The following CEP112 variants were observed in gnomAD, a reference collection of about 807,000 sequenced individuals.
CEP112 encodes the protein centrosomal protein 112, also known as centrosomal protein of 112 kDa.
Under a neutral mutation model 153.0 loss-of-function variants are expected in CEP112, and 127 were observed. The observed-to-expected ratio is 0.83, with a 90% CI of 0.72 to 0.96. The LOEUF is 0.96. Among genes scored for constraint, CEP112 ranks in the 40% least tolerant of loss-of-function variants. The probability of loss-of-function intolerance (pLI) is 0.00; values close to 1 mark genes in which losing one functional copy is unlikely to be tolerated. For missense variants in CEP112, 1,089 were observed against 1,101.2 expected (o/e 0.99, Z 0.16); for synonymous variants, 358 against 374.4 (o/e 0.96, Z 0.51).
At chr17:66,073,459 T>C (rs530673308) in intron 8 of CEP112, among the ~76,000 whole-genome samples, 1 of 152,330 alleles carries the variant, frequency 6.6e-6, no homozygotes, top group South Asian at 2.1e-4. Context: ...CACAGGCTGA[T>C]GGCTGGGATG....
At chr17:65,725,367 G>C (rs1472652473) in intron 23 of CEP112, among the ~76,000 whole-genome samples, 1 of 152,162 alleles carries the variant, frequency 6.6e-6, no homozygotes, top group East Asian at 1.9e-4. Flanking sequence ...ACCCAGGCTG[G>C]AGTGCAGTGG....
At chr17:66,046,065 G>C (rs9896795) in intron 12 of CEP112, among the ~76,000 whole-genome samples, 148,859 of 151,746 alleles carry the variant, frequency 0.98, 73,075 homozygotes, top group East Asian at 1. Context: ...TTTTTTGAGA[G>C]AGAGTCTCGC....
intron 14 of CEP112, 80 bp from the exon 15 acceptor site, chr17:66,028,485 C>T: frequency 1.5e-6 from 1 of 669,940 alleles, no homozygotes; most frequent in Non-Finnish European, 2.4e-6. Context: ...AAAAATATGC[C>T]TTTTGTACCC....
At chr17:65,716,381 G>C (rs117585841) in intron 23 of CEP112, among the ~76,000 whole-genome samples, 1,839 of 152,100 alleles carry the variant, frequency 0.012, 24 homozygotes, top group East Asian at 0.041. Flanking sequence ...GTCTGGTCTC[G>C]AACGGCTGAC....
At chr17:65,676,710 T>A (rs1300699802) in intron 24 of CEP112, among the ~76,000 whole-genome samples, 1 of 152,234 alleles carries the variant, frequency 6.6e-6, no homozygotes, top group African/African-American at 2.4e-5. Context: ...GAGTTCACGC[T>A]GAGCTTCATT....
At chr17:66,000,690 G>A (rs556839227) in intron 17 of CEP112, among the ~76,000 whole-genome samples, 1 of 152,246 alleles carries the variant, frequency 6.6e-6, no homozygotes, top group South Asian at 2.1e-4. Context: ...AGCATCTGGA[G>A]GAGCAGGAAT....
chr17:65,705,152 T>C (rs1042012465), intron 23 of CEP112, among the ~76,000 whole-genome samples: 1 of 152,254 alleles, frequency 6.6e-6, no homozygotes, highest in African/African-American at 2.4e-5. Context: ...AAATCACTTC[T>C]ATATGGACCT....
At chr17:65,648,217 A>G (rs955118298) in intron 24 of CEP112, among the ~76,000 whole-genome samples, 3 of 152,152 alleles carry the variant, frequency 2.0e-5, no homozygotes, top group Non-Finnish European at 4.4e-5. Flanking sequence ...ATCGCACCAA[A>G]GAGAGGGGCT....
At chr17:66,139,706 C>T (rs1027363765) in intron 4 of CEP112, among the ~76,000 whole-genome samples, 2 of 151,930 alleles carry the variant, frequency 1.3e-5, no homozygotes, top group African/African-American at 4.8e-5. Flanking sequence ...CCAAATTACT[C>T]GAAATGCAAA....
At chr17:65,647,935 T>G (rs1008721269) in intron 24 of CEP112, among the ~76,000 whole-genome samples, 6 of 152,182 alleles carry the variant, frequency 3.9e-5, no homozygotes, top group African/African-American at 1.2e-4. Flanking sequence ...TGAAGCAAGA[T>G]GAGGTTGAGT....
chr17:66,010,945 T>C (rs933348052), intron 16 of CEP112, among the ~76,000 whole-genome samples: 4 of 152,068 alleles, frequency 2.6e-5, no homozygotes, highest in Non-Finnish European at 4.4e-5. Flanking sequence ...TCTGTAAGGT[T>C]TTGGTATCAG....
intron 18 of CEP112, among the ~76,000 whole-genome samples, chr17:65,948,207 C>T (rs1418518605): frequency 1.3e-5 from 2 of 152,150 alleles, no homozygotes; most frequent in Admixed American, 6.5e-5. Flanking sequence ...TCAACACCAG[C>T]GCTTTTCAGA....
intron 12 of CEP112, among the ~76,000 whole-genome samples, chr17:66,046,515 G>A (rs2066217154): frequency 6.6e-6 from 1 of 151,764 alleles, no homozygotes; most frequent in Non-Finnish European, 1.5e-5. Context: ...TAAATCCAAT[G>A]GTTTAATTTT....
At chr17:65,767,005 A>T (rs542469541) in intron 21 of CEP112, among the ~76,000 whole-genome samples, 1 of 152,028 alleles carries the variant, frequency 6.6e-6, no homozygotes, top group African/African-American at 2.4e-5. Flanking sequence ...ACAGAAAATT[A>T]AAAGGGAAAT....
intron 21 of CEP112, among the ~76,000 whole-genome samples, chr17:65,847,532 C>T (rs548574043): frequency 1.4e-4 from 22 of 152,264 alleles, no homozygotes; most frequent in African/African-American, 5.3e-4. Context: ...TATATCTTTA[C>T]CAATGCTTGA....
intron 24 of CEP112, among the ~76,000 whole-genome samples, chr17:65,678,147 C>T (rs886294690): frequency 6.6e-6 from 1 of 152,210 alleles, no homozygotes; most frequent in Non-Finnish European, 1.5e-5. Flanking sequence ...CAACCCCACC[C>T]TCTTTTTAAC....
chr17:66,157,327 T>C (rs1001406008), intron 4 of CEP112, among the ~76,000 whole-genome samples: 9 of 152,180 alleles, frequency 5.9e-5, no homozygotes, highest in African/African-American at 1.9e-4. Context: ...CGAGCAAATG[T>C]TGAGAGATTT....
At chr17:66,046,202 C>G (rs2066199742) in intron 12 of CEP112, among the ~76,000 whole-genome samples, 1 of 152,058 alleles carries the variant, frequency 6.6e-6, no homozygotes, top group Admixed American at 6.6e-5. Context: ...GCTGCCACGC[C>G]CGGCTAATTT....
chr17:65,915,215 T>C (rs1191189374), intron 19 of CEP112, among the ~76,000 whole-genome samples: 7 of 152,186 alleles, frequency 4.6e-5, no homozygotes, highest in Admixed American at 1.3e-4. Flanking sequence ...TCAGTGTCTG[T>C]CACCACCATC....
Sources: gnomAD v4.1 joint callset for allele counts (sites outside exome capture counted in the v4.1 genomes callset) on GRCh38, gnomAD v4.1.1 for gene constraint, MANE v1.5 for transcripts, NCBI Gene and HGNC (gene_info 2026-07-23, HGNC 2026-07-21) for gene names.